TRDN: variants seen among roughly 807,000 people sequenced by gnomAD.
TRDN encodes triadin in skeletal muscle.
A neutral mutation model predicts 149.7 loss-of-function variants in TRDN; 161 were observed. The observed-to-expected ratio is 1.08, with a 90% CI of 0.95 to 1.23. The LOEUF is 1.23. Among genes scored for constraint, TRDN ranks in the 50% most tolerant of loss-of-function variants. TRDN has a pLI of 0.00. For missense variants in TRDN, 896 were observed against 823.5 expected (o/e 1.09, Z -1.08); for synonymous variants, 294 against 250.5 (o/e 1.17, Z -1.64).
intron 8 of TRDN, among the ~76,000 whole-genome samples, chr6:123,499,604 T>C (rs9372749): frequency 0.83 from 121,182 of 146,462 alleles, 50,356 homozygotes; most frequent in East Asian, 0.88. Flanking sequence ...CTCCGGAGGC[T>C]GAGGCAGGAG....
At chr6:123,273,397 A>G in intron 27 of TRDN, 34 bp from the exon 28 acceptor site, 1 of 909,406 alleles carries the variant, frequency 1.1e-6, no homozygotes, top group Non-Finnish European at 1.5e-6. Flanking sequence ...AGATTAAATT[A>G]CCTGCAAAAT....
At chr6:123,568,737 C>A (rs999189700) in intron 2 of TRDN, among the ~76,000 whole-genome samples, 2 of 152,214 alleles carry the variant, frequency 1.3e-5, no homozygotes, top group Non-Finnish European at 2.9e-5. Flanking sequence ...CTGGCCAGGG[C>A]AGTGGGGCCC....
intron 19 of TRDN, 37 bp downstream of exon 19, chr6:123,375,568 C>A (rs928215999): frequency 3.0e-5 from 45 of 1,514,852 alleles, no homozygotes; most frequent in Non-Finnish European, 4.0e-5. Flanking sequence ...GTAAGCTGCC[C>A]AAATATGCTC....
intron 1 of TRDN, among the ~76,000 whole-genome samples, chr6:123,604,302 G>C (rs1396198394): frequency 6.6e-6 from 1 of 152,194 alleles, no homozygotes. Context: ...ATGTGTAAAA[G>C]CTTAAAGAAT....
intron 23 of TRDN, among the ~76,000 whole-genome samples, chr6:123,322,469 G>T (rs938751173): frequency 6.6e-6 from 1 of 151,946 alleles, no homozygotes. Flanking sequence ...TAGACTAAAT[G>T]ATTTAACAAA....
At chr6:123,234,384 G>T (rs1463845259) in intron 38 of TRDN, among the ~76,000 whole-genome samples, 2 of 152,048 alleles carry the variant, frequency 1.3e-5, no homozygotes, top group Non-Finnish European at 2.9e-5. Flanking sequence ...ACACCCATGT[G>T]TAGCCAGAAA....
At chr6:123,367,870 G>A (rs554702253) in intron 19 of TRDN, among the ~76,000 whole-genome samples, 3 of 152,208 alleles carry the variant, frequency 2.0e-5, no homozygotes, top group Admixed American at 1.3e-4. Context: ...TTCCTACTGT[G>A]AGTCCCCCTC....
intron 24 of TRDN, among the ~76,000 whole-genome samples, chr6:123,292,986 C>T (rs933906532): frequency 3.9e-5 from 6 of 152,134 alleles, no homozygotes; most frequent in Admixed American, 3.9e-4. Flanking sequence ...AGCTGAATCA[C>T]GATGTCACTG....
In TRDN at chr6:123,260,601, TA is replaced by T; in HGVS notation, c.1831+10del. On this transcript the variant is annotated intron_variant, in intron 34 of 40. Transcript: ENST00000334268. Reference sequence around the variant, plus strand: ...CTGTATCTTATCTCCTCTGAAAAAGTAAATATTTACCTGATTCTGTGACTTC... The same window carrying T: ...CTGTATCTTATCTCCTCTGAAAAAGTAATATTTACCTGATTCTGTGACTTC... 7.0e-7 allele frequency: 1 copy of T among 1,427,064 alleles called. No homozygotes were observed. The highest frequency in any genetic ancestry group is 1.4e-5 in the South Asian group (1 of 71,334). The allele number at this position is 1,427,064 out of a possible 1,614,324, so 88.4% of individuals were successfully genotyped here.
intron 19 of TRDN, among the ~76,000 whole-genome samples, chr6:123,367,851 T>C (rs538097901): frequency 6.6e-5 from 10 of 152,152 alleles, no homozygotes; most frequent in Non-Finnish European, 1.3e-4. Context: ...TATGAATCAG[T>C]CAAGACTATT....
intron 12 of TRDN, among the ~76,000 whole-genome samples, chr6:123,428,737 C>T (rs752311924): frequency 1.1e-4 from 17 of 152,194 alleles, no homozygotes; most frequent in Non-Finnish European, 1.8e-4. Flanking sequence ...AGTCACTCAC[C>T]TACCACAAAA....
intron 33 of TRDN, among the ~76,000 whole-genome samples, chr6:123,261,982 G>C (rs1172902208): frequency 6.6e-6 from 1 of 151,824 alleles, no homozygotes; most frequent in Non-Finnish European, 1.5e-5. Context: ...GGTTAGTTCT[G>C]GGTATTAAAA....
chr6:123,429,985 C>A (rs1160680376), intron 12 of TRDN, among the ~76,000 whole-genome samples: 2 of 152,058 alleles, frequency 1.3e-5, no homozygotes, highest in Admixed American at 6.6e-5. Flanking sequence ...AAAGATAATA[C>A]AAGGCTGGGT....
At chr6:123,357,980 T>A (rs1208509509) in intron 20 of TRDN, among the ~76,000 whole-genome samples, 1 of 152,164 alleles carries the variant, frequency 6.6e-6, no homozygotes, top group Non-Finnish European at 1.5e-5. Context: ...TCTTTTCTGG[T>A]TCTAATGTAA....
At chr6:123,490,404 C>T (rs1395276113) in intron 9 of TRDN, among the ~76,000 whole-genome samples, 6 of 152,120 alleles carry the variant, frequency 3.9e-5, no homozygotes, top group African/African-American at 1.4e-4. Context: ...TGGAATAGAG[C>T]GTGATAACAT....
Position 123,534,216 on chromosome 6 carries a change from A to C in TRDN, c.425-3651T>G, listed in dbSNP as rs571274007. 2.0e-4 allele frequency among the ~76,000 whole-genome samples: 31 copies of C among 152,280 alleles called. 1 individual carries two copies. Among genetic ancestry groups the C allele is most frequent in the African/African-American group, 7.5e-4 (31 of 41,564 alleles). On this transcript the variant is annotated intron_variant, in intron 4 of 40. Coordinates refer to ENST00000334268, the MANE Select transcript of TRDN (RefSeq NM_006073.4). ...TACATTATCAACTATTTTTAACTGA[A>C]ATATTAATATTTCTACAGAGGCAAG...
intron 14 of TRDN, among the ~76,000 whole-genome samples, chr6:123,384,196 T>C (rs1195430480): frequency 6.6e-6 from 1 of 152,198 alleles, no homozygotes; most frequent in African/African-American, 2.4e-5. Flanking sequence ...TACAGTTTTA[T>C]ATTAACAATA....
intron 5 of TRDN, among the ~76,000 whole-genome samples, chr6:123,517,809 C>T (rs1474468907): frequency 6.6e-6 from 1 of 152,070 alleles, no homozygotes; most frequent in Non-Finnish European, 1.5e-5. Context: ...GTAACATTTT[C>T]TTTGATCTCT....
intron 38 of TRDN, among the ~76,000 whole-genome samples, chr6:123,227,309 C>T (rs1582743866): frequency 6.6e-6 from 1 of 151,796 alleles, no homozygotes; most frequent in East Asian, 1.9e-4. Context: ...GAACTAAATA[C>T]AAGTAAGAAC....
Sources: gnomAD v4.1 joint callset for allele counts (sites outside exome capture counted in the v4.1 genomes callset) on GRCh38, gnomAD v4.1.1 for gene constraint, MANE v1.5 for transcripts, NCBI Gene and HGNC (gene_info 2026-07-23, HGNC 2026-07-21) for gene names.